SGCA: variants seen among roughly 807,000 people sequenced by gnomAD.
The protein encoded by SGCA is alpha-sarcoglycan.
SGCA carries 34 observed loss-of-function variants against 38.1 expected under a neutral mutation model. The observed-to-expected ratio is 0.89, with a 90% CI of 0.68 to 1.19. SGCA has a LOEUF of 1.19. SGCA is among the 50% of genes most tolerant of loss of function. SGCA has a pLI of 0.00. For synonymous variants in SGCA, 209 were observed against 214.6 expected (o/e 0.97, Z 0.23); for missense variants, 476 against 524.9 (o/e 0.91, Z 0.91).
rs142169382 is a variant in SGCA at position 50,168,539 on chromosome 17, G to T, written c.551G>T (p.Arg184Leu). ...ACCTCTGCCTTGGACCGTGGGGGCC[G>T]TGTCCCCCTTCCCATTGAGGGCCGA... ...NVTSALDRGG[R>L]VPLPIEGRKE... Residue 184 changes from arginine (R) to leucine (L), a missense_variant, in exon 5 of 10, where the codon CGT (arginine) becomes CTT (leucine). Transcript: ENST00000262018. 1 of 1,574,410 alleles carries T rather than the reference G, an allele frequency of 6.4e-7. No individual in the cohort carries two copies. The highest frequency in any genetic ancestry group is 1.3e-5 in the African/African-American group (1 of 74,310).
chr17:50,170,453 G>A, intron 7 of SGCA, 102 bp downstream of exon 7: 1 of 1,379,796 alleles, frequency 7.2e-7, no homozygotes, highest in South Asian at 1.2e-5. Context: ...CCATGGGAAT[G>A]GGGTTCTCAG....
chr17:50,175,153 A>G, intron 8 of SGCA, 104 bp from the exon 9 acceptor site: 2 of 1,051,438 alleles, frequency 1.9e-6, no homozygotes, highest in South Asian at 2.7e-5. Context: ...GTCTCTCCCC[A>G]CATAAGTGGT....
At position 50,169,169 on chromosome 17, in the gene SGCA, G is replaced by A. The variant is rs138254713; in HGVS notation, c.662G>A (p.Arg221His). The A allele has an allele frequency of 3.3e-4, 527 of 1,613,916 alleles. 5 individuals are homozygous for A. In the East Asian group the frequency reaches 8.1e-3, roughly 25 times the overall value. ...KMVASPDSHARCAQGQPPLLS... is the reference protein window; with the variant it reads ...KMVASPDSHAHCAQGQPPLLS... ...GTGGCATCCCCCGATAGCCACGCCC[G>A]CTGTGCCCAGGGCCAGCCTCCACTT... Residue 221 changes from arginine to histidine, a missense_variant, in exon 6 of 10, where the codon CGC becomes CAC. Transcript: ENST00000262018.
rs2144492897 is a variant in SGCA, at chr17:50,167,335, C to CCGGGT, written c.38-32_38-31insGGGTC. On this transcript the variant is annotated intron_variant, in intron 1 of 9. Transcript: ENST00000262018. This position sits in a 1 kb window ranked among gnomAD's most constrained non-coding sequence, Gnocchi z 4.5. ...ATCCCCTGCCCAGGACTGAGGCTGG[C>CCGGGT]CTGTGTGTTTGGGACTTGTGGGGTC... The CCGGGT allele has an allele frequency of 1.2e-6, 2 of 1,613,856 alleles. No individual in the cohort carries two copies. The highest frequency in any genetic ancestry group is 4.5e-5 in the East Asian group (2 of 44,868).
At chr17:50,171,996 T>A in intron 8 of SGCA, 1 of 456,598 alleles carries the variant, frequency 2.2e-6, no homozygotes. Context: ...ACAGCACTGA[T>A]GGAGACAGTG....
At position 50,175,817 on chromosome 17, in the gene SGCA, C is replaced by G. The variant is rs373595506; in HGVS notation, c.*118C>G. On this transcript the variant is annotated 3_prime_UTR_variant, in exon 10 of 10. Transcript: ENST00000262018. ...TCCTGGCCCTCCTGGAACCCAGGCT[C>G]TAAACAAGCAGGGAGAGGGGGTGGG... The G allele has an allele frequency of 4.1e-6, 2 of 491,032 alleles. No individual in the cohort carries two copies. The highest frequency in any genetic ancestry group is 3.9e-5 in the African/African-American group (2 of 51,644). The allele number at this position is 491,032 out of a possible 1,614,324, so 30.4% of individuals were successfully genotyped here. A position where few individuals can be genotyped will look rare whatever the true frequency, so the allele number is the denominator to read the frequency against.
At position 50,167,718 on chromosome 17, in the gene SGCA, T is replaced by C; in HGVS notation, c.294T>C (p.Arg98=). 6.2e-7 allele frequency: 1 copy of C among 1,611,780 alleles called. No homozygotes were observed. Residue 98 remains arginine (R), a synonymous_variant, in exon 3 of 10, where the codon CGT becomes CGC. Transcript: ENST00000262018. The surrounding 1 kb of genome is among the most constrained non-coding windows in gnomAD (Gnocchi z 4.5). ...FLYGSATPED[R]GLQVIEVTAY... ...ACGGCTCTGCCACCCCAGAAGATCG[T>C]GGGCTCCAGGTCATTGAGGTGCCGT... is the stretch of plus-strand genomic sequence containing the variant.
intron 8 of SGCA, among the ~76,000 whole-genome samples, chr17:50,175,017 G>A (rs1409518468): frequency 6.6e-6 from 1 of 151,896 alleles, no homozygotes; most frequent in African/African-American, 2.4e-5. Context: ...GGCTGGTCTC[G>A]AACTCCTGAC....
In SGCA at chr17:50,167,784, C is replaced by T; in HGVS notation, c.312+48C>T. 6.3e-7 allele frequency: 1 copy of T among 1,593,658 alleles called. No individual in the cohort carries two copies. Among genetic ancestry groups the T allele is most frequent in the Non-Finnish European group, 8.6e-7 (1 of 1,164,928 alleles). ...AATCACAGGGGTGGGCCAGAGTGGC[C>T]TCCTAGGAGCAGCCCTATGAATTGG... On this transcript the variant is annotated intron_variant, in intron 3 of 9. Transcript: ENST00000262018. This position sits in a 1 kb window ranked among gnomAD's most constrained non-coding sequence, Gnocchi z 4.5.
At chr17:50,172,386 C>A (rs1277394969) in intron 8 of SGCA, 1 of 434,030 alleles carries the variant, frequency 2.3e-6, no homozygotes. Flanking sequence ...TGCCAGGTGT[C>A]CTGGGGAGGA....
At chr17:50,170,118 C>A in intron 6 of SGCA, 25 bp from the exon 7 acceptor site, 2 of 1,606,334 alleles carry the variant, frequency 1.2e-6, no homozygotes, top group Non-Finnish European at 8.5e-7. Context: ...CCACTTCCTG[C>A]GTCAGCCCTG....
At chr17:50,174,235 C>G (rs139001717) in intron 8 of SGCA, among the ~76,000 whole-genome samples, 2 of 152,118 alleles carry the variant, frequency 1.3e-5, no homozygotes, top group African/African-American at 4.8e-5. Context: ...GCAGGAGTAT[C>G]GCTTGAGCCC....
intron 4 of SGCA, 123 bp downstream of exon 4, chr17:50,168,142 G>A: frequency 1.0e-6 from 1 of 961,910 alleles, no homozygotes; most frequent in Non-Finnish European, 1.7e-6. Context: ...ATCCTGGAAA[G>A]TGGGGACAAG....
rs2144496522 is a variant in SGCA, at chr17:50,168,411, C to T, written c.423C>T (p.Arg141=). 5.7e-6 allele frequency: 9 copies of T among 1,590,622 alleles called. No individual in the cohort carries two copies. Among genetic ancestry groups the T allele is most frequent in the Non-Finnish European group, 7.7e-6 (9 of 1,168,584 alleles). ...LLPYQAEFLV[R]SHDAEEVLPS... is the part of the protein sequence containing the mutation. Reference sequence around the variant, plus strand: ...CATACCAAGCCGAGTTCCTGGTGCGCAGCCACGATGCGGAGGAGGTGCTGC... The same window carrying T: ...CATACCAAGCCGAGTTCCTGGTGCGTAGCCACGATGCGGAGGAGGTGCTGC... Residue 141 remains arginine (R), a synonymous_variant, in exon 5 of 10, where the codon CGC becomes CGT. Coordinates refer to ENST00000262018, the MANE Select transcript of SGCA (RefSeq NM_000023.4).
At chr17:50,174,736 ACC>A (rs1905781575) in intron 8 of SGCA, among the ~76,000 whole-genome samples, 1 of 152,058 alleles carries the variant, frequency 6.6e-6, no homozygotes, top group Non-Finnish European at 1.5e-5. Context: ...ACAGCCTTGA[ACC>A]CAGGCTGTCT....
At chr17:50,172,026 C>T (rs992654935) in intron 8 of SGCA, 34 of 456,212 alleles carry the variant, frequency 7.5e-5, no homozygotes, top group Non-Finnish European at 1.2e-4. Context: ...CTTTCTGCTT[C>T]TCTCCCTGGG....
At chr17:50,172,184 G>T in intron 8 of SGCA, 2 of 457,064 alleles carry the variant, frequency 4.4e-6, no homozygotes, top group Non-Finnish European at 8.8e-6. Context: ...TTACCTGTGT[G>T]GCCAGAAAGA....
At chr17:50,169,011 A>C in intron 5 of SGCA, 81 bp from the exon 6 acceptor site, 1 of 1,324,922 alleles carries the variant, frequency 7.5e-7, no homozygotes, top group Non-Finnish European at 1.1e-6. Context: ...ACAATTAGGA[A>C]AGTTTCAACA....
chr17:50,169,387 G>A, intron 6 of SGCA, 133 bp downstream of exon 6: 1 of 683,162 alleles, frequency 1.5e-6, no homozygotes, highest in Non-Finnish European at 2.4e-6. Flanking sequence ...GATGCTCTCA[G>A]TATTGCCCAC....
Sources: gnomAD v4.1 joint callset for allele counts (sites outside exome capture counted in the v4.1 genomes callset) on GRCh38, gnomAD v4.1.1 for gene constraint, Gnocchi (gnomAD v3.1) non-coding constraint, MANE v1.5 for transcripts, NCBI Gene and HGNC (gene_info 2026-07-23, HGNC 2026-07-21) for gene names.